The following UNC80 variants were observed in gnomAD, a reference collection of about 807,000 sequenced individuals.
The protein encoded by UNC80 is protein unc-80 homolog.
A neutral mutation model predicts 384.6 loss-of-function variants in UNC80; 164 were observed. The observed-to-expected ratio is 0.43, with a 90% confidence interval of 0.38 to 0.49. The LOEUF (loss-of-function observed/expected upper bound fraction) is 0.49, where lower values mean the gene tolerates loss of function less well. Among genes scored for constraint, UNC80 ranks in the 20% least tolerant of loss-of-function variants. UNC80 has a pLI of 0.00. For missense variants in UNC80, 3,330 were observed against 4,143.0 expected (o/e 0.80, Z 5.39); for synonymous variants, 1,486 against 1,527.8 (o/e 0.97, Z 0.64).
chr2:209,990,090 C>G (rs1185071654), intron 61 of UNC80, among the ~76,000 whole-genome samples: 1 of 152,142 alleles, frequency 6.6e-6, no homozygotes, highest in African/African-American at 2.4e-5. Context: ...ATATAAGCCT[C>G]TCTATCCATA....
chr2:209,982,591 G>T, intron 60 of UNC80: 1 of 276,958 alleles, frequency 3.6e-6, no homozygotes, highest in Admixed American at 5.2e-5. Flanking sequence ...TTGTCAAATG[G>T]CATTCTTGTA....
rs1257529051 is a variant in UNC80 at position 209,967,421 on chromosome 2, T to C, written c.7806-16T>C. 4.0e-6 allele frequency: 6 copies of C among 1,505,802 alleles called. No individual in the cohort carries two copies. The highest frequency in any genetic ancestry group is 1.4e-5 in the African/African-American group (1 of 71,390). 93.3% of individuals were successfully genotyped at this position (1,505,802 alleles called of 1,614,324 possible). On this transcript the variant is annotated splice_polypyrimidine_tract_variant and intron_variant, in intron 51 of 64. Coordinates refer to ENST00000673920, the MANE Select transcript of UNC80 (RefSeq NM_001371986.1). The stretch of plus-strand genomic sequence containing the variant: ...GCTTATACTTTAAAATATATATACA[T>C]ATATATATATTTTAGGTTGGCAGAA...
chr2:209,853,445 G>C (rs2370836), intron 22 of UNC80, among the ~76,000 whole-genome samples: 152,019 of 152,114 alleles, frequency 1, 75,962 homozygotes, highest in Non-Finnish European at 1. Context: ...TCTAAACAAT[G>C]CTACTTTTAT....
rs116679854 is a variant in UNC80 at position 209,972,883 on chromosome 2, C to T, written c.8381-181C>T. Among the ~76,000 whole-genome samples the T allele has an allele frequency of 8.9e-3, 1,355 of 152,262 alleles. 18 individuals carry two copies. Among genetic ancestry groups the T allele is most frequent in the African/African-American group, 0.031 (1,302 of 41,534 alleles). On this transcript the variant is annotated intron_variant, in intron 55 of 64. Coordinates refer to ENST00000673920, the MANE Select transcript of UNC80 (RefSeq NM_001371986.1). ...TTGGGTACCCACTATGGAGAAAATA[C>T]TCAGGTGCCAGGAACACTGTTTCTG... is the stretch of plus-strand genomic sequence containing the variant.
intron 41 of UNC80, 70 bp from the exon 42 acceptor site, chr2:209,937,458 TA>T: frequency 8.3e-7 from 1 of 1,199,054 alleles, no homozygotes; most frequent in Non-Finnish European, 1.2e-6. Flanking sequence ...GATCTTTGGG[TA>T]AAGAAGAAAT....
Position 209,888,272 on chromosome 2 carries a change from C to A in UNC80, c.4276+12C>A, listed in dbSNP as rs1478568763. On this transcript the variant is annotated intron_variant, in intron 26 of 64. Transcript: ENST00000673920. ...CGAGGAGAAGAAAGGTATGGAAACA[C>A]AAAGGTTCCTTCATGTTTCAGGGTT... The A allele has an allele frequency of 6.4e-7, 1 of 1,551,218 alleles. No homozygotes were observed. The highest frequency in any genetic ancestry group is 8.7e-7 in the Non-Finnish European group (1 of 1,146,670).
intron 28 of UNC80, among the ~76,000 whole-genome samples, chr2:209,898,445 T>A (rs775678398): frequency 5.9e-5 from 9 of 152,160 alleles, no homozygotes; most frequent in Non-Finnish European, 1.3e-4. Flanking sequence ...TCCATTGTGA[T>A]GTATTCATAA....
At chr2:209,920,786 A>G (rs1305148400) in intron 33 of UNC80, among the ~76,000 whole-genome samples, 1 of 151,492 alleles carries the variant, frequency 6.6e-6, no homozygotes, top group African/African-American at 2.4e-5. Context: ...CCTTTCCATG[A>G]TTCTGACTTT....
At position 209,815,733 on chromosome 2, in the gene UNC80, T is replaced by C. The variant is rs143805408; in HGVS notation, c.1335+342T>C. On this transcript the variant is annotated intron_variant, in intron 9 of 64. Transcript: ENST00000673920. ...TTTGGTTCAACTCATTTTTATCAAG[T>C]ACTTTATATAAATAGTTCTCATTTA... Among the ~76,000 whole-genome samples the C allele has an allele frequency of 9.2e-5, 14 of 152,348 alleles. No individual in the cohort carries two copies. In the East Asian group the frequency reaches 2.7e-3, roughly 29 times the overall value.
intron 7 of UNC80, among the ~76,000 whole-genome samples, chr2:209,806,901 ATTG>A (rs1478398367): frequency 1.3e-5 from 2 of 152,168 alleles, no homozygotes; most frequent in Non-Finnish European, 2.9e-5. Flanking sequence ...GCTTCCATAG[ATTG>A]TTATTTCCGG....
rs1321116872 is a variant in UNC80, at chr2:209,978,706, A to C, written c.9116A>C (p.Glu3039Ala). 1 of 1,528,348 alleles carries C rather than the reference A, an allele frequency of 6.5e-7. No individual in the cohort carries two copies. Among genetic ancestry groups the C allele is most frequent in the African/African-American group, 1.4e-5 (1 of 72,730 alleles). The allele number at this position is 1,528,348 out of a possible 1,614,324, so 94.7% of individuals were successfully genotyped here. The change falls in exon 59 of 65, where the codon GAA (glutamate) becomes GCA (alanine). Residue 3039 changes from glutamate (E) to alanine (A), a missense_variant and splice_region_variant. Physicochemically the swap from Glu to Ala is moderately radical, Grantham distance 107. This residue lies in a region of UNC80 where 216 missense variants were observed against 245.3 expected (regional missense o/e 0.88). Coordinates refer to ENST00000673920, the MANE Select transcript of UNC80 (RefSeq NM_001371986.1). ...AGTCGGACTGATGAGGAAGATGAGGAAAGTAGGTCATTCCAGAGAATCTGG... is the reference window on the plus strand; with the variant it reads ...AGTCGGACTGATGAGGAAGATGAGGCAAGTAGGTCATTCCAGAGAATCTGG... The part of the protein sequence containing the change: ...TLSRTDEEDE[E>A]NDSISMPSVV...
chr2:209,959,744 C>T, intron 51 of UNC80, 37 bp downstream of exon 51: 4 of 1,528,012 alleles, frequency 2.6e-6, no homozygotes, highest in Non-Finnish European at 3.5e-6. Context: ...AGTGTGAACA[C>T]AGCTTGGCCC....
At chr2:209,970,786 A>T in intron 53 of UNC80, 46 bp from the exon 54 acceptor site, 1 of 1,533,534 alleles carries the variant, frequency 6.5e-7, no homozygotes, top group Non-Finnish European at 8.8e-7. Flanking sequence ...CGGTTGCATG[A>T]AATTGCAATA....
chr2:209,973,540 G>A (rs1485131829), intron 56 of UNC80, among the ~76,000 whole-genome samples: 2 of 152,126 alleles, frequency 1.3e-5, no homozygotes, highest in Non-Finnish European at 2.9e-5. Context: ...AAAAAACAAC[G>A]TGGTTTCACA....
At chr2:209,936,176 T>G (rs1160289870) in intron 40 of UNC80, among the ~76,000 whole-genome samples, 1 of 152,160 alleles carries the variant, frequency 6.6e-6, no homozygotes, top group African/African-American at 2.4e-5. Flanking sequence ...AGAGAATTTC[T>G]AAGGCCCAAC....
chr2:209,877,764 G>A (rs911563001), intron 23 of UNC80, among the ~76,000 whole-genome samples, 190 bp from the exon 24 acceptor site: 1 of 152,158 alleles, frequency 6.6e-6, no homozygotes, highest in Non-Finnish European at 1.5e-5. Context: ...ATGACCTTGG[G>A]GATAGCTGTT....
intron 23 of UNC80, among the ~76,000 whole-genome samples, chr2:209,875,266 T>C (rs2084674960): frequency 6.6e-6 from 1 of 152,166 alleles, no homozygotes; most frequent in Non-Finnish European, 1.5e-5. Flanking sequence ...TAAAATGCTT[T>C]CAGTGGCCCT....
chr2:209,965,315 T>C (rs1319719472), intron 51 of UNC80, among the ~76,000 whole-genome samples: 1 of 152,148 alleles, frequency 6.6e-6, no homozygotes, highest in African/African-American at 2.4e-5. Context: ...TGTGCACCTG[T>C]AGTCCCAGCT....
At chr2:209,772,193 C>T in intron 1 of UNC80, 29 bp downstream of exon 1, 7 of 1,481,894 alleles carry the variant, frequency 4.7e-6, no homozygotes, top group Non-Finnish European at 5.4e-6. Flanking sequence ...GCACCGCGGG[C>T]CGCCCTGGGC....
Sources: allele counts gnomAD v4.1 joint callset (sites outside exome capture counted in the v4.1 genomes callset), GRCh38; gene constraint gnomAD v4.1.1; regional missense constraint gnomAD v4.1.1; transcripts MANE v1.5; gene names NCBI Gene and HGNC (gene_info 2026-07-23, HGNC 2026-07-21).